FHIT: variants seen among roughly 807,000 people sequenced by gnomAD.
The protein encoded by FHIT is fragile histidine triad diadenosine triphosphatase, also known as bis(5'-adenosyl)-triphosphatase.
Under a neutral mutation model 17.9 loss-of-function variants are expected in FHIT, and 19 were observed. The observed-to-expected ratio is 1.06, with a 90% CI of 0.74 to 1.56. The LOEUF is 1.56. Among genes scored for constraint, FHIT ranks in the 40% most tolerant of loss-of-function variants. FHIT has a pLI of 0.00. For synonymous variants in FHIT, 81 were observed against 69.7 expected (o/e 1.16, Z -0.81); for missense variants, 248 against 189.2 (o/e 1.31, Z -1.82).
chr3:59,800,802 G>A (rs535699919), intron 8 of FHIT, among the ~76,000 whole-genome samples: 2 of 152,278 alleles, frequency 1.3e-5, no homozygotes, highest in African/African-American at 4.8e-5. Context: ...CAGTGGCTGA[G>A]TGTTAAACCA....
chr3:61,019,664 T>G (rs978878434), intron 3 of FHIT, among the ~76,000 whole-genome samples: 4 of 152,182 alleles, frequency 2.6e-5, no homozygotes, highest in African/African-American at 9.6e-5. Context: ...ACCTTGATAT[T>G]TTAATGCAAA....
intron 2 of FHIT, among the ~76,000 whole-genome samples, chr3:61,126,199 A>T (rs1404636098): frequency 6.6e-6 from 1 of 152,156 alleles, no homozygotes; most frequent in Non-Finnish European, 1.5e-5. Context: ...TACTTGAGCC[A>T]GACACCATCC....
chr3:61,164,032 A>C (rs1451425633), intron 2 of FHIT, among the ~76,000 whole-genome samples: 1 of 152,216 alleles, frequency 6.6e-6, no homozygotes, highest in Non-Finnish European at 1.5e-5. Flanking sequence ...TATAAATCAG[A>C]AAAACAGATC....
intron 4 of FHIT, among the ~76,000 whole-genome samples, chr3:60,804,919 C>T (rs1701330809): frequency 2.0e-5 from 3 of 152,214 alleles, no homozygotes; most frequent in African/African-American, 7.2e-5. Flanking sequence ...TTTCTGCAAA[C>T]AAATGACTGT....
At chr3:60,381,485 A>AAAAAGAAAAG (rs571124759) in intron 5 of FHIT, among the ~76,000 whole-genome samples, 16 of 152,178 alleles carry the variant, frequency 1.1e-4, no homozygotes, top group Admixed American at 9.2e-4. Context: ...TCTCAAAAAA[A>AAAAAGAAAAG]AAAAGAAAAG....
At chr3:60,639,239 A>C (rs1467030292) in intron 4 of FHIT, among the ~76,000 whole-genome samples, 1 of 151,938 alleles carries the variant, frequency 6.6e-6, no homozygotes, top group African/African-American at 2.4e-5. Flanking sequence ...TTGGAAGTTA[A>C]GGGCTATAGA....
At chr3:61,000,277 A>T (rs760450806) in intron 3 of FHIT, among the ~76,000 whole-genome samples, 5 of 152,210 alleles carry the variant, frequency 3.3e-5, no homozygotes, top group Non-Finnish European at 7.3e-5. Flanking sequence ...TGAGCAGTGC[A>T]TTACAGAGTC....
chr3:60,979,050 A>G (rs917819562), intron 3 of FHIT, among the ~76,000 whole-genome samples: 1 of 152,230 alleles, frequency 6.6e-6, no homozygotes, highest in Non-Finnish European at 1.5e-5. Context: ...GGAAAATTTG[A>G]AAATATTTCT....
intron 5 of FHIT, among the ~76,000 whole-genome samples, chr3:60,051,453 G>A (rs1559584783): frequency 6.6e-6 from 1 of 151,718 alleles, no homozygotes; most frequent in Non-Finnish European, 1.5e-5. Context: ...TTTGACTGAG[G>A]AGGCAGGGCT....
At chr3:60,816,294 G>A (rs1221888445) in intron 4 of FHIT, among the ~76,000 whole-genome samples, 3 of 152,104 alleles carry the variant, frequency 2.0e-5, no homozygotes, top group Admixed American at 2.0e-4. Flanking sequence ...GGAGTAGTAA[G>A]AGTGGGCATC....
At chr3:61,170,381 A>AG (rs1300156191) in intron 2 of FHIT, among the ~76,000 whole-genome samples, 1 of 152,166 alleles carries the variant, frequency 6.6e-6, no homozygotes, top group Non-Finnish European at 1.5e-5. Context: ...CTTTATTTTA[A>AG]CCTTTATTTT....
At chr3:60,822,598 G>A (rs544954882) in intron 3 of FHIT, among the ~76,000 whole-genome samples, 49 of 152,150 alleles carry the variant, frequency 3.2e-4, no homozygotes, top group Non-Finnish European at 4.7e-4. Flanking sequence ...TGTATCCTAT[G>A]TAGCTGCTCA....
intron 5 of FHIT, among the ~76,000 whole-genome samples, chr3:60,118,109 G>T (rs566631726): frequency 5.3e-5 from 8 of 152,146 alleles, no homozygotes; most frequent in African/African-American, 1.7e-4. Context: ...AATGTATTTT[G>T]ATATCTTATT....
intron 4 of FHIT, among the ~76,000 whole-genome samples, chr3:60,651,463 T>C (rs2039988679): frequency 1.3e-5 from 2 of 152,046 alleles, no homozygotes; most frequent in African/African-American, 4.8e-5. Flanking sequence ...ATTGTGGCCA[T>C]CCTTTGGCAG....
intron 7 of FHIT, among the ~76,000 whole-genome samples, chr3:59,976,543 G>A (rs1366186129): frequency 6.6e-6 from 1 of 151,890 alleles, no homozygotes; most frequent in Non-Finnish European, 1.5e-5. Context: ...TAAGGAAAGA[G>A]AATGAAGAAA....
At chr3:59,929,213 A>G (rs943878882) in intron 7 of FHIT, among the ~76,000 whole-genome samples, 4 of 151,952 alleles carry the variant, frequency 2.6e-5, no homozygotes, top group Admixed American at 1.3e-4. Flanking sequence ...GAATGAATAC[A>G]GATGCCTTGA....
chr3:60,133,196 G>A (rs1298803847), intron 5 of FHIT, among the ~76,000 whole-genome samples: 1 of 152,072 alleles, frequency 6.6e-6, no homozygotes, highest in African/African-American at 2.4e-5. Flanking sequence ...GATGAAGGAG[G>A]GCTATACCCC....
At chr3:61,223,186 C>G (rs750564117) in intron 1 of FHIT, among the ~76,000 whole-genome samples, 18 of 152,134 alleles carry the variant, frequency 1.2e-4, no homozygotes, top group Non-Finnish European at 1.8e-4. Flanking sequence ...AACTATTCTG[C>G]CAGTCGGACA....
intron 5 of FHIT, among the ~76,000 whole-genome samples, chr3:60,190,410 G>A (rs566747135): frequency 9.2e-5 from 14 of 152,084 alleles, no homozygotes; most frequent in Non-Finnish European, 1.8e-4. Context: ...CAAAGGTGAT[G>A]TACACATACC....
Sources: allele counts gnomAD v4.1 joint callset (sites outside exome capture counted in the v4.1 genomes callset), GRCh38; gene constraint gnomAD v4.1.1; transcripts MANE v1.5; gene names NCBI Gene and HGNC (gene_info 2026-07-23, HGNC 2026-07-21).